Variants in DDR1 observed in about 807,000 individuals in gnomAD.
The protein encoded by DDR1 is epithelial discoidin domain-containing receptor 1.
DDR1 carries 64 observed loss-of-function variants against 97.4 expected under a neutral mutation model. The observed-to-expected ratio is 0.66, with a 90% CI of 0.54 to 0.81. The LOEUF is 0.81. DDR1 is among the 30% of genes least tolerant of loss of function. The pLI is 0.00. For synonymous variants in DDR1, 458 were observed against 503.7 expected (o/e 0.91, Z 1.21); for missense variants, 990 against 1,259.6 (o/e 0.79, Z 3.24).
rs953758778 is a variant in DDR1, at chr6:30,897,825, G to A, written c.2216+228G>A. On this transcript the variant is annotated intron_variant, in intron 15 of 17. Coordinates refer to ENST00000376568, the MANE Select transcript of DDR1 (RefSeq NM_001297654.2). The surrounding 1 kb of genome is among the most constrained non-coding windows in gnomAD (Gnocchi z 5.2). ...GAAGGGACTTGGGCCCTGCCATGACGTCCCTTCTGCTTTCTCTCACCCTCA... is the reference window on the plus strand; with the variant it reads ...GAAGGGACTTGGGCCCTGCCATGACATCCCTTCTGCTTTCTCTCACCCTCA... Among the ~76,000 whole-genome samples, 5 of 152,186 alleles carry A rather than the reference G, an allele frequency of 3.3e-5. No individual in the cohort carries two copies. Among genetic ancestry groups the A allele is most frequent in the Admixed American group, 6.5e-5 (1 of 15,278 alleles).
At chr6:30,884,009 G>C (rs945715264), upstream of DDR1, 5 of 153,118 alleles carry the variant, frequency 3.3e-5, no homozygotes, top group African/African-American at 1.2e-4. This position sits in a 1 kb window ranked among gnomAD's most constrained non-coding sequence, Gnocchi z 6.1. Context: ...GTGGGAACCT[G>C]CTTCTTCCTC....
rs1007288137 is a variant in DDR1, at chr6:30,886,404, C to T, written c.-43+1694C>T. ...CTCCCCGGCGCTGGACCCTAAGGGA[C>T]CAGGCGTGATGCCTTCTGGTTCTAG... On this transcript the variant is annotated intron_variant, in intron 1 of 17. Transcript: ENST00000376568. This position sits in a 1 kb window ranked among gnomAD's most constrained non-coding sequence, Gnocchi z 4.6. 3.9e-5 allele frequency among the ~76,000 whole-genome samples: 6 copies of T among 152,144 alleles called. No individual in the cohort carries two copies. The highest frequency in any genetic ancestry group is 1.2e-4 in the African/African-American group (5 of 41,426).
chr6:30,892,527 A>G lies in DDR1; in HGVS notation c.1084A>G (p.Ile362Val). 2 of 1,590,622 alleles carry G rather than the reference A, an allele frequency of 1.3e-6. No homozygotes were observed. Among genetic ancestry groups the G allele is most frequent in the Non-Finnish European group, 1.7e-6 (2 of 1,166,870 alleles). Residue 362 changes from isoleucine to valine, a missense_variant, in exon 8 of 18, where the codon ATC becomes GTC. Coordinates refer to ENST00000376568, the MANE Select transcript of DDR1 (RefSeq NM_001297654.2). ...GGGGCCCTGGTTACTCTTCAGCGAA[A>G]TCTCCTTCATCTCTGGTAAGCCCTG... ...FAGPWLLFSE[I>V]SFISDVVNNS...
At chr6:30,898,397 CT>C in intron 16 of DDR1, 90 bp downstream of exon 16, 1 of 946,562 alleles carries the variant, frequency 1.1e-6, no homozygotes, top group Non-Finnish European at 1.6e-6. Context: ...CAGTCACACA[CT>C]TTCTCTGGGT....
At chr6:30,898,820 T>C (rs1791890218) in intron 16 of DDR1, 68 bp from the exon 17 acceptor site, 4 of 1,528,774 alleles carry the variant, frequency 2.6e-6, no homozygotes, top group Admixed American at 1.8e-5. Context: ...GGGCTTCCAA[T>C]AGGAAGGGAG....
chr6:30,889,452 C>T lies in DDR1; in HGVS notation c.417+22C>T. ...GGAGGTGAGACTGGCAGGGGCAGCA[C>T]CCAGAGGAGGTTGGCTCTCCTCACT... On this transcript the variant is annotated intron_variant, in intron 4 of 17. Transcript: ENST00000376568. The surrounding 1 kb of genome is among the most constrained non-coding windows in gnomAD (Gnocchi z 4.9). 1 of 1,474,420 alleles carries T rather than the reference C, an allele frequency of 6.8e-7. No homozygotes were observed. The highest frequency in any genetic ancestry group is 9.0e-7 in the Non-Finnish European group (1 of 1,113,064). 91.3% of individuals were successfully genotyped at this position (1,474,420 alleles called of 1,614,324 possible). A position where few individuals can be genotyped will look rare whatever the true frequency, so the allele number is the denominator to read the frequency against.
In DDR1 at chr6:30,897,703, G is replaced by C. The variant is rs1199545517; in HGVS notation, c.2216+106G>C. ...AAAGAGGGGAGCGTGGGGGTGGGAA[G>C]GGAGAGAGGTTCCAGGAGGGCCTGG... On this transcript the variant is annotated intron_variant, in intron 15 of 17. Coordinates refer to ENST00000376568, the MANE Select transcript of DDR1 (RefSeq NM_001297654.2). The surrounding 1 kb of genome is among the most constrained non-coding windows in gnomAD (Gnocchi z 5.2). 3.2e-6 allele frequency: 3 copies of C among 932,138 alleles called. No homozygotes were observed. The Admixed American group carries it at 7.3e-5, about 23-fold the overall frequency. 57.7% of individuals were successfully genotyped at this position (932,138 alleles called of 1,614,324 possible).
upstream of DDR1, among the ~76,000 whole-genome samples, chr6:30,881,644 G>A (rs565714468): frequency 6.6e-6 from 1 of 152,052 alleles, no homozygotes; most frequent in Non-Finnish European, 1.5e-5. Flanking sequence ...TTTCCTTCCC[G>A]AGTCCACTTC....
At chr6:30,895,966 T>A (rs1274545924) in intron 12 of DDR1, among the ~76,000 whole-genome samples, 1 of 151,932 alleles carries the variant, frequency 6.6e-6, no homozygotes, top group Non-Finnish European at 1.5e-5. Flanking sequence ...CATCTGCCCC[T>A]CTTCTCCTCA....
Position 30,891,256 on chromosome 6 carries a change from C to G in DDR1, c.566-124C>G. Reference sequence around the variant, plus strand: ...TGAGGAGGGGGCTAGCCAGCATTGTCTCCTCCATGCCAATGAGCCAGTGGA... The same window carrying G: ...TGAGGAGGGGGCTAGCCAGCATTGTGTCCTCCATGCCAATGAGCCAGTGGA... On this transcript the variant is annotated intron_variant, in intron 5 of 17. Transcript: ENST00000376568. This position sits in a 1 kb window ranked among gnomAD's most constrained non-coding sequence, Gnocchi z 5.3. 1 of 1,437,910 alleles carries G rather than the reference C, an allele frequency of 7.0e-7. No individual in the cohort carries two copies. Among genetic ancestry groups the G allele is most frequent in the Non-Finnish European group, 9.6e-7 (1 of 1,046,888 alleles). The allele number at this position is 1,437,910 out of a possible 1,614,324, so 89.1% of individuals were successfully genotyped here. A position where few individuals can be genotyped will look rare whatever the true frequency, so the allele number is the denominator to read the frequency against.
upstream of DDR1, among the ~76,000 whole-genome samples, chr6:30,882,152 C>T (rs1488712940): frequency 1.3e-5 from 2 of 152,206 alleles, no homozygotes; most frequent in South Asian, 2.1e-4. The surrounding 1 kb of genome is among the most constrained non-coding windows in gnomAD (Gnocchi z 4.8). Flanking sequence ...CCATCTGGTC[C>T]GTCCTCTCGC....
At chr6:30,896,111 T>G (rs1237850620) in intron 12 of DDR1, among the ~76,000 whole-genome samples, 2 of 151,644 alleles carry the variant, frequency 1.3e-5, no homozygotes, top group Non-Finnish European at 2.9e-5. Flanking sequence ...CCTCTGTCTC[T>G]GCTTGTTGTT....
chr6:30,898,759 G>C (rs1363249538), intron 16 of DDR1, 129 bp from the exon 17 acceptor site: 3 of 976,818 alleles, frequency 3.1e-6, no homozygotes, highest in Non-Finnish European at 4.7e-6. Context: ...GGAGAGTGGA[G>C]AGCCTGGCGT....
rs1490654922 is a variant in DDR1 at position 30,897,111 on chromosome 6, T to C, written c.1967T>C (p.Ile656Thr). Residue 656 changes from isoleucine (I) to threonine (T), a missense_variant, in exon 14 of 18, where the codon ATC becomes ACC. Transcript: ENST00000376568. This position sits in a 1 kb window ranked among gnomAD's most constrained non-coding sequence, Gnocchi z 5.2. ...CACCCTTTGCTGGTAGCTGTCAAGA[T>C]CTTACGGCCAGATGCCACCAAGAAT... ...KGHPLLVAVK[I>T]LRPDATKNAR... 1 of 1,613,714 alleles carries C rather than the reference T, an allele frequency of 6.2e-7. No homozygotes were observed. Among genetic ancestry groups the C allele is most frequent in the Non-Finnish European group, 8.5e-7 (1 of 1,179,966 alleles).
intron 12 of DDR1, among the ~76,000 whole-genome samples, chr6:30,895,718 A>G (rs1202945497): frequency 6.6e-6 from 1 of 152,150 alleles, no homozygotes; most frequent in African/African-American, 2.4e-5. Flanking sequence ...GCTGAGGAGT[A>G]GAAAGCTTAC....
Position 30,893,340 on chromosome 6 carries a change from T to C in DDR1, c.1264T>C (p.Cys422Arg). The part of the protein sequence containing the change: ...EGSPTAILIG[C>R]LVAIILLLLL... ...GAGCCCGACCGCCATCCTCATCGGCTGCCTGGTGGCCATCATCCTGCTCCT... is the reference window on the plus strand; with the variant it reads ...GAGCCCGACCGCCATCCTCATCGGCCGCCTGGTGGCCATCATCCTGCTCCT... Residue 422 changes from cysteine to arginine, a missense_variant, in exon 10 of 18, where the codon TGC becomes CGC. Physicochemically the swap from Cys to Arg is radical, Grantham distance 180. Transcript: ENST00000376568. 1.9e-6 allele frequency: 3 copies of C among 1,608,116 alleles called. No homozygotes were observed. Among genetic ancestry groups the C allele is most frequent in the Non-Finnish European group, 2.5e-6 (3 of 1,179,824 alleles).
chr6:30,892,726 C>T, intron 8 of DDR1, 184 bp downstream of exon 8: 1 of 739,388 alleles, frequency 1.4e-6, no homozygotes, highest in Non-Finnish European at 2.1e-6. Context: ...TCTGCGTATC[C>T]ATCTTTCCTT....
rs1173072215 is a variant in DDR1 at position 30,891,658 on chromosome 6, G to C, written c.665+179G>C. 6.6e-6 allele frequency among the ~76,000 whole-genome samples: 1 copy of C among 152,080 alleles called. No homozygotes were observed. Among genetic ancestry groups the C allele is most frequent in the Non-Finnish European group, 1.5e-5 (1 of 67,988 alleles). ...GGTGGGGCCTCAAAGGGTAGCACTA[G>C]GGTGACCACTAGCCCGTATGACACT... On this transcript the variant is annotated intron_variant, in intron 6 of 17. Transcript: ENST00000376568. The surrounding 1 kb of genome is among the most constrained non-coding windows in gnomAD (Gnocchi z 5.3).
chr6:30,887,821 A>T (rs1786456290), intron 1 of DDR1, among the ~76,000 whole-genome samples: 1 of 152,014 alleles, frequency 6.6e-6, no homozygotes, highest in Non-Finnish European at 1.5e-5. Context: ...GCTGGTCTCT[A>T]ACTCCTGGCC....
Sources: allele counts gnomAD v4.1 joint callset (sites outside exome capture counted in the v4.1 genomes callset), GRCh38; gene constraint gnomAD v4.1.1; non-coding constraint Gnocchi (gnomAD v3.1); transcripts MANE v1.5; gene names NCBI Gene and HGNC (gene_info 2026-07-23, HGNC 2026-07-21).